The following IGSF10 variants were observed in gnomAD, a reference collection of about 807,000 sequenced individuals.
The protein encoded by IGSF10 is calvaria mechanical force protein 608.
IGSF10 carries 126 observed loss-of-function variants against 128.2 expected under a neutral mutation model. The ratio of observed to expected loss-of-function variants is 0.98; its 90% CI spans 0.85 to 1.14. The LOEUF is 1.14. Among genes scored for constraint, IGSF10 ranks in the 50% most tolerant of loss-of-function variants. IGSF10 has a pLI of 0.00. For missense variants in IGSF10, 3,295 were observed against 3,149.8 expected (o/e 1.05, Z -1.10); for synonymous variants, 1,185 against 1,146.2 (o/e 1.03, Z -0.68).
the IGSF10 span, among the ~76,000 whole-genome samples, chr3:151,584,204 T>C: frequency 1.3e-5 from 2 of 152,206 alleles, no homozygotes; most frequent in Non-Finnish European, 2.9e-5. Context: ...GAAAGAATTC[T>C]TCTCATCTTT....
At position 151,447,038 on chromosome 3, in the gene IGSF10, C is replaced by T. The variant is rs143010277; in HGVS notation, c.2943G>A (p.Thr981=). 2.0e-5 allele frequency: 33 copies of T among 1,613,532 alleles called. No individual in the cohort carries two copies. Among genetic ancestry groups the T allele is most frequent in the Admixed American group, 3.3e-5 (2 of 59,962 alleles). ...CAGCTGTGTGTGGATCTGAAGGGAA[C>T]GTGGAGGTGCTAAGTATTTGAGTAG... is the stretch of plus-strand genomic sequence containing the variant. ...SHTTQILSTS[T]FPSDPHTAAH... The change falls in exon 6 of 8, where the codon ACG becomes ACA. Residue 981 remains threonine (T), a synonymous_variant. Transcript: ENST00000282466.
the IGSF10 span, among the ~76,000 whole-genome samples, chr3:151,495,428 A>G: frequency 6.6e-6 from 1 of 152,156 alleles, no homozygotes; most frequent in Non-Finnish European, 1.5e-5. Flanking sequence ...ACGAATGTCA[A>G]TGAATACTCA....
the IGSF10 span, among the ~76,000 whole-genome samples, chr3:151,581,112 T>C: frequency 6.6e-6 from 1 of 152,306 alleles, no homozygotes; most frequent in Non-Finnish European, 1.5e-5. Flanking sequence ...CTTACACATG[T>C]TCATGGATCT....
At chr3:151,466,857 T>C in the IGSF10 span, among the ~76,000 whole-genome samples, 16 of 152,130 alleles carry the variant, frequency 1.1e-4, no homozygotes, top group South Asian at 2.1e-4. Context: ...AGGATTACAG[T>C]AGTGAGCCAT....
the IGSF10 span, among the ~76,000 whole-genome samples, chr3:151,469,479 T>A: frequency 6.6e-6 from 1 of 152,196 alleles, no homozygotes; most frequent in Non-Finnish European, 1.5e-5. Context: ...TAGGGTGAGA[T>A]TTACTTTCAA....
intron 1 of IGSF10, among the ~76,000 whole-genome samples, 164 bp from the exon 2 acceptor site, chr3:151,460,511 T>G (rs1270843383): frequency 3.3e-5 from 5 of 152,272 alleles, no homozygotes. Flanking sequence ...TTTATTATGA[T>G]GCTTGCTGTT....
the IGSF10 span, among the ~76,000 whole-genome samples, chr3:151,605,933 A>C: frequency 6.6e-6 from 1 of 152,186 alleles, no homozygotes; most frequent in Non-Finnish European, 1.5e-5. Context: ...AGAGTTTCTG[A>C]TTCTGTAGAT....
the IGSF10 span, among the ~76,000 whole-genome samples, chr3:151,475,064 C>T: frequency 2.6e-5 from 4 of 152,108 alleles, no homozygotes; most frequent in Non-Finnish European, 4.4e-5. Context: ...TCTTGATAGT[C>T]ACAGTAATAG....
At position 151,458,163 on chromosome 3, in the gene IGSF10, C is replaced by T. The variant is rs566398812; in HGVS notation, c.194+353G>A. On this transcript the variant is annotated intron_variant, in intron 3 of 7. Transcript: ENST00000282466. ...TGTGTGTGTGTATTATATAGGCAGA[C>T]ACTTCCAGTTACCCTGTCATCTCTT... Among the ~76,000 whole-genome samples, 15 of 152,052 alleles carry T rather than the reference C, an allele frequency of 9.9e-5. 1 individual carries two copies. In the South Asian group the frequency reaches 3.1e-3, roughly 32 times the overall value.
intron 5 of IGSF10, 81 bp downstream of exon 5, chr3:151,453,303 G>C (rs1035714729): frequency 1.9e-6 from 2 of 1,076,996 alleles, no homozygotes; most frequent in African/African-American, 3.2e-5. Context: ...AAATTACCCT[G>C]GGCTCTCCAC....
At chr3:151,529,087 G>A in the IGSF10 span, among the ~76,000 whole-genome samples, 1 of 152,176 alleles carries the variant, frequency 6.6e-6, no homozygotes, top group Non-Finnish European at 1.5e-5. Flanking sequence ...AAGCTGCCGG[G>A]AGGTTCAAAC....
the IGSF10 span, among the ~76,000 whole-genome samples, chr3:151,602,730 T>G: frequency 6.6e-6 from 1 of 152,140 alleles, no homozygotes; most frequent in Admixed American, 6.5e-5. Flanking sequence ...TGCACCTTCA[T>G]ACTTCATTTT....
chr3:151,539,200 A>G, the IGSF10 span, among the ~76,000 whole-genome samples: 5 of 152,158 alleles, frequency 3.3e-5, no homozygotes, highest in Non-Finnish European at 5.9e-5. Flanking sequence ...ACACATGACT[A>G]CAGAAGAGTC....
rs768826828 is a variant in IGSF10, at chr3:151,438,214, TCTC to T, written c.6344_6346del (p.Gly2115del). ...GGTGTTCTGGGCATAGCAAGTATAA[TCTC>T]CTTCCTCCGCTACCCCAACTTTGTT... On this transcript the variant is annotated inframe_deletion, in exon 8 of 8. Transcript: ENST00000282466. 3.5e-5 allele frequency: 56 copies of T among 1,614,000 alleles called. No individual in the cohort carries two copies. Among genetic ancestry groups the T allele is most frequent in the Non-Finnish European group, 4.4e-5 (52 of 1,180,024 alleles).
the IGSF10 span, among the ~76,000 whole-genome samples, chr3:151,598,319 C>T: frequency 6.6e-6 from 1 of 152,074 alleles, no homozygotes; most frequent in African/African-American, 2.4e-5. Context: ...CAAGTTTTAG[C>T]CTTTAGCTAT....
the IGSF10 span, among the ~76,000 whole-genome samples, chr3:151,531,109 T>G: frequency 6.6e-6 from 1 of 152,028 alleles, no homozygotes; most frequent in Non-Finnish European, 1.5e-5. Flanking sequence ...TACATAATGG[T>G]AAAGGGATCA....
rs780083516 is a variant in IGSF10, at chr3:151,438,158, T to C, written c.6403A>G (p.Thr2135Ala). The change falls in exon 8 of 8, where the codon ACA becomes GCA. Residue 2135 changes from threonine to alanine, a missense_variant. Physicochemically the swap from Thr to Ala is moderately conservative, Grantham distance 58 (BLOSUM62 0). Coordinates refer to ENST00000282466, the MANE Select transcript of IGSF10 (RefSeq NM_178822.5). ...LGKDEMKVHL[T>A]VITAAPRIRQ... is the part of the protein sequence containing the mutation. ...ATCCGGGGAGCAGCTGTTATAACTG[T>C]TAAGTGGACCTTCATTTCATCTTTC... 7.4e-6 allele frequency: 12 copies of C among 1,614,184 alleles called. No individual in the cohort carries two copies. In the South Asian group the frequency reaches 1.2e-4, roughly 16 times the overall value.
chr3:151,612,340 G>A, the IGSF10 span, among the ~76,000 whole-genome samples: 1 of 152,138 alleles, frequency 6.6e-6, no homozygotes, highest in South Asian at 2.1e-4. Flanking sequence ...ACAATCCTAG[G>A]CTGTTCTAAT....
chr3:151,566,823 G>A, the IGSF10 span, among the ~76,000 whole-genome samples: 2 of 152,212 alleles, frequency 1.3e-5, no homozygotes, highest in Non-Finnish European at 2.9e-5. Flanking sequence ...TCAATGTCAA[G>A]AAGAATTATA....
Sources: allele counts gnomAD v4.1 joint callset (sites outside exome capture counted in the v4.1 genomes callset), GRCh38; gene constraint gnomAD v4.1.1; transcripts MANE v1.5; gene names NCBI Gene and HGNC (gene_info 2026-07-23, HGNC 2026-07-21).